PTPRM: variants seen among roughly 807,000 people sequenced by gnomAD.
PTPRM encodes protein tyrosine phosphatase receptor type M, also known as receptor-type tyrosine-protein phosphatase mu.
In PTPRM, 47 loss-of-function variants were observed where a neutral mutation model predicts 186.7. The observed-to-expected ratio is 0.25, with a 90% CI of 0.20 to 0.32. PTPRM has a LOEUF of 0.32. Ranked by LOEUF, PTPRM falls within the 10% of genes least tolerant of loss-of-function variation. PTPRM has a pLI of 1.00. For synonymous variants in PTPRM, 668 were observed against 674.9 expected, an observed-to-expected ratio of 0.99 and a Z score of 0.16; for missense variants, 1,494 against 1,865.0, an observed-to-expected ratio of 0.80 and a Z score of 3.66.
chr18:8,024,631 C>A (rs2085449456), intron 7 of PTPRM, among the ~76,000 whole-genome samples: 1 of 150,018 alleles, frequency 6.7e-6, no homozygotes, highest in Admixed American at 6.6e-5. Context: ...CTCTCTCTTA[C>A]ATAAGACTGT....
chr18:7,678,863 C>CT (rs532446818), intron 1 of PTPRM, among the ~76,000 whole-genome samples: 14 of 152,086 alleles, frequency 9.2e-5, no homozygotes, highest in Admixed American at 5.9e-4. Flanking sequence ...GTTAAAAATA[C>CT]TTTTTTTGTG....
At chr18:8,191,630 C>T (rs2146713241) in intron 14 of PTPRM, among the ~76,000 whole-genome samples, 1 of 152,210 alleles carries the variant, frequency 6.6e-6, no homozygotes, top group East Asian at 1.9e-4. Flanking sequence ...ACACACATCC[C>T]CCCAACACAC....
chr18:7,750,012 A>G (rs375547231), intron 1 of PTPRM, among the ~76,000 whole-genome samples: 11 of 152,148 alleles, frequency 7.2e-5, no homozygotes, highest in East Asian at 3.8e-4. Flanking sequence ...TTGACTCCCT[A>G]AGCAAAGGTC....
At chr18:8,012,192 T>C (rs1371806988) in intron 7 of PTPRM, among the ~76,000 whole-genome samples, 1 of 152,242 alleles carries the variant, frequency 6.6e-6, no homozygotes, top group Admixed American at 6.5e-5. Flanking sequence ...CTCTGGTAGT[T>C]TGTATTTTTA....
intron 2 of PTPRM, among the ~76,000 whole-genome samples, chr18:7,832,212 G>A (rs943274165): frequency 1.3e-5 from 2 of 152,148 alleles, no homozygotes; most frequent in Non-Finnish European, 2.9e-5. Flanking sequence ...ACTGTTCTCC[G>A]AAGTGCTAGT....
intron 19 of PTPRM, among the ~76,000 whole-genome samples, chr18:8,284,189 T>C (rs1223586528): frequency 6.6e-5 from 10 of 152,218 alleles, no homozygotes; most frequent in Non-Finnish European, 1.3e-4. Flanking sequence ...TTCATTTACT[T>C]TCAACTCTGT....
chr18:7,649,244 C>T (rs754569105), intron 1 of PTPRM, among the ~76,000 whole-genome samples: 11 of 152,174 alleles, frequency 7.2e-5, no homozygotes, highest in Non-Finnish European at 1.5e-4. Flanking sequence ...TATTACTGCT[C>T]ATTGACAATG....
chr18:8,204,728 T>C (rs1420924456), intron 14 of PTPRM, among the ~76,000 whole-genome samples: 2 of 152,038 alleles, frequency 1.3e-5, no homozygotes, highest in East Asian at 3.9e-4. Context: ...TTGAGAGCCC[T>C]TCTTCATAAG....
intron 4 of PTPRM, among the ~76,000 whole-genome samples, chr18:7,912,285 G>A (rs1950326823): frequency 6.6e-6 from 1 of 152,108 alleles, no homozygotes; most frequent in Non-Finnish European, 1.5e-5. Context: ...TTGACACACT[G>A]TTCTTTCCCC....
At chr18:8,386,965 T>C in intron 30 of PTPRM, 107 bp from the exon 31 acceptor site, 1 of 1,182,550 alleles carries the variant, frequency 8.5e-7, no homozygotes, top group Non-Finnish European at 1.2e-6. Flanking sequence ...TAGGCAGGAC[T>C]CGCCTTTAAT....
chr18:7,778,624 C>T (rs1217552825), intron 2 of PTPRM, among the ~76,000 whole-genome samples: 2 of 152,000 alleles, frequency 1.3e-5, no homozygotes, highest in African/African-American at 2.4e-5. Flanking sequence ...GGACTACAGG[C>T]ACCCACCACC....
chr18:8,005,268 C>T (rs899804435), intron 7 of PTPRM, among the ~76,000 whole-genome samples: 2 of 152,208 alleles, frequency 1.3e-5, no homozygotes, highest in African/African-American at 4.8e-5. Flanking sequence ...TAAACCCTCT[C>T]AAGTAGAGCC....
intron 2 of PTPRM, among the ~76,000 whole-genome samples, chr18:7,792,415 C>T (rs1213898339): frequency 6.6e-6 from 1 of 152,030 alleles, no homozygotes; most frequent in East Asian, 1.9e-4. Context: ...TGATCTCTTC[C>T]CTTATGTTTT....
chr18:7,819,496 C>T (rs2045060950), intron 2 of PTPRM, among the ~76,000 whole-genome samples: 2 of 152,052 alleles, frequency 1.3e-5, no homozygotes, highest in African/African-American at 4.8e-5. Context: ...GCCCAGGCCA[C>T]TAAGTGGCTC....
chr18:8,319,275 G>A, intron 22 of PTPRM, 61 bp downstream of exon 22: 1 of 1,264,508 alleles, frequency 7.9e-7, no homozygotes, highest in Non-Finnish European at 1.1e-6. Context: ...CTATCATTTT[G>A]TACCCACTTC....
chr18:7,749,669 A>G (rs960559221), intron 1 of PTPRM, among the ~76,000 whole-genome samples: 1 of 152,156 alleles, frequency 6.6e-6, no homozygotes, highest in African/African-American at 2.4e-5. Context: ...GTTTGTGCTT[A>G]TCAGGTCACA....
intron 20 of PTPRM, among the ~76,000 whole-genome samples, chr18:8,302,946 G>A (rs2095176102): frequency 6.6e-6 from 1 of 152,138 alleles, no homozygotes; most frequent in African/African-American, 2.4e-5. Flanking sequence ...CAAATGCGAT[G>A]CCAAGCAGAC....
intron 19 of PTPRM, among the ~76,000 whole-genome samples, chr18:8,288,509 C>T (rs1046609464): frequency 6.6e-6 from 1 of 152,230 alleles, no homozygotes; most frequent in Non-Finnish European, 1.5e-5. Context: ...TACTGACACT[C>T]ACCCCAATTA....
chr18:8,225,389 GTA>G (rs1491316657), intron 14 of PTPRM, among the ~76,000 whole-genome samples: 6 of 104,562 alleles, frequency 5.7e-5, no homozygotes, highest in Admixed American at 1.7e-4. Context: ...GTTGTCTCTT[GTA>G]TTTTTTTTTT....
Sources: gnomAD v4.1 joint callset for allele counts (sites outside exome capture counted in the v4.1 genomes callset) on GRCh38, gnomAD v4.1.1 for gene constraint, MANE v1.5 for transcripts, NCBI Gene and HGNC (gene_info 2026-07-23, HGNC 2026-07-21) for gene names.